The following RPF2 variants were observed in gnomAD, a reference collection of about 807,000 sequenced individuals.
RPF2 encodes ribosome production factor 2 homolog.
Under a neutral mutation model 38.9 loss-of-function variants are expected in RPF2, and 21 were observed. The ratio of observed to expected loss-of-function variants is 0.54; its 90% CI spans 0.38 to 0.78. The LOEUF is 0.78. RPF2 is among the 30% of genes least tolerant of loss of function. The pLI is 0.00. For synonymous variants in RPF2, 121 were observed against 126.2 expected (o/e 0.96, Z 0.28); for missense variants, 314 against 358.1 (o/e 0.88, Z 0.99).
At chr6:111,017,417 G>A (rs1267096765) in intron 8 of RPF2, among the ~76,000 whole-genome samples, 11 of 151,586 alleles carry the variant, frequency 7.3e-5, no homozygotes, top group African/African-American at 1.7e-4. Flanking sequence ...CTTCCCAGAC[G>A]GGGCGGCTGC....
In RPF2 at chr6:111,026,161, A is replaced by G. The variant is rs1216247062; in HGVS notation, c.*579A>G. 1 of 152,368 alleles carries G rather than the reference A, an allele frequency of 6.6e-6. No individual in the cohort carries two copies. The highest frequency in any genetic ancestry group is 2.4e-5 in the African/African-American group (1 of 41,548). 9.4% of individuals were successfully genotyped at this position (152,368 alleles called of 1,614,324 possible). A position where few individuals can be genotyped will look rare whatever the true frequency, so the allele number is the denominator to read the frequency against. ...GTTGATTGTTTTAAGAGACTCTACT[A>G]CTAAGTAGAGCCCACCCCGCTTCTC... On this transcript the variant is annotated 3_prime_UTR_variant, in exon 10 of 10. Coordinates refer to ENST00000441448, the MANE Select transcript of RPF2 (RefSeq NM_032194.3).
At chr6:111,011,970 A>G (rs1772023265) in intron 7 of RPF2, among the ~76,000 whole-genome samples, 1 of 152,160 alleles carries the variant, frequency 6.6e-6, no homozygotes, top group Non-Finnish European at 1.5e-5. Context: ...TTCAGTATAA[A>G]TATGAAGTAA....
chr6:111,006,479 GC>G (rs139397162), intron 6 of RPF2, among the ~76,000 whole-genome samples: 19,632 of 151,962 alleles, frequency 0.13, 1,748 homozygotes, highest in East Asian at 0.5. Flanking sequence ...CAAGTGATCA[GC>G]CCCGTCTCTG....
chr6:110,984,547 A>G (rs999655716), intron 1 of RPF2, among the ~76,000 whole-genome samples: 3 of 152,186 alleles, frequency 2.0e-5, no homozygotes, highest in African/African-American at 7.2e-5. Context: ...TCTACCAAAA[A>G]AGTGAGATTT....
intron 4 of RPF2, among the ~76,000 whole-genome samples, chr6:110,995,146 G>T (rs1771690378): frequency 6.6e-6 from 1 of 151,992 alleles, no homozygotes; most frequent in South Asian, 2.1e-4. Context: ...CTCATGCAAT[G>T]CACCCACCTC....
At position 111,007,893 on chromosome 6, in the gene RPF2, G is replaced by A; in HGVS notation, c.394-145G>A. ...ACCCGGGAGGTGGAGGTTGCAGTGA[G>A]CTGAGATTGTGCCACTGCACTCCAG... On this transcript the variant is annotated intron_variant, in intron 6 of 9. Transcript: ENST00000441448. The A allele has an allele frequency of 4.2e-6, 4 of 941,978 alleles. 1 individual carries two copies. In the South Asian group the frequency reaches 9.7e-5, roughly 23 times the overall value. The allele number at this position is 941,978 out of a possible 1,614,324, so 58.4% of individuals were successfully genotyped here.
At chr6:110,993,341 TAATCTC>T (rs1771653518) in intron 4 of RPF2, among the ~76,000 whole-genome samples, 1 of 152,154 alleles carries the variant, frequency 6.6e-6, no homozygotes, top group Non-Finnish European at 1.5e-5. Context: ...AGAAAGAAAT[TAATCTC>T]AATGATAAAT....
intron 9 of RPF2, 150 bp downstream of exon 9, chr6:111,024,477 G>C (rs1485886581): frequency 1.8e-6 from 1 of 568,858 alleles, no homozygotes; most frequent in Non-Finnish European, 2.9e-6. Flanking sequence ...ACTTTGGGAG[G>C]CCGAAGTGGG....
chr6:110,996,827 A>AG (rs1440813492), intron 4 of RPF2, among the ~76,000 whole-genome samples: 1 of 152,034 alleles, frequency 6.6e-6, no homozygotes, highest in Admixed American at 6.6e-5. Flanking sequence ...TTTTAGACAG[A>AG]GTCTTACTCT....
chr6:111,017,432 TG>T (rs955115417), intron 8 of RPF2, among the ~76,000 whole-genome samples: 1 of 125,752 alleles, frequency 8.0e-6, no homozygotes, highest in African/African-American at 3.0e-5. Flanking sequence ...GGCTGCCGGA[TG>T]GGGGGGCTCC....
Position 110,994,135 on chromosome 6 carries a change from G to A in RPF2, c.234+2349G>A, listed in dbSNP as rs536734048. Among the ~76,000 whole-genome samples, 22 of 152,240 alleles carry A rather than the reference G, an allele frequency of 1.4e-4. No homozygotes were observed. In the South Asian group the frequency reaches 4.3e-3, roughly 30 times the overall value. On this transcript the variant is annotated intron_variant, in intron 4 of 9. Transcript: ENST00000441448. ...CTATTAAAAATACAAAATTAGCCAG[G>A]CGTGGTGGCACATGCCTATAATTCC...
Position 111,028,148 on chromosome 6 carries a change from TG to T in RPF2, c.*2567del, listed in dbSNP as rs1242800872. 1 of 152,180 alleles carries T rather than the reference TG, an allele frequency of 6.6e-6. No individual in the cohort carries two copies. The highest frequency in any genetic ancestry group is 2.4e-5 in the African/African-American group (1 of 41,468). The allele number at this position is 152,180 out of a possible 1,614,324, so 9.4% of individuals were successfully genotyped here. The stretch of plus-strand genomic sequence containing the variant: ...CATGGAATTTGGGTTTCTTTTTTTT[TG>T]TTTTTTTAAAATTAAGTGCTGTTTG... On this transcript the variant is annotated 3_prime_UTR_variant, in exon 10 of 10. Coordinates refer to ENST00000441448, the MANE Select transcript of RPF2 (RefSeq NM_032194.3).
At chr6:110,997,375 T>C (rs893565575) in intron 5 of RPF2, 111 bp downstream of exon 5, 14 of 670,186 alleles carry the variant, frequency 2.1e-5, no homozygotes, top group Middle Eastern at 4.0e-4. Flanking sequence ...GAGGAAATAA[T>C]TCATCCAAGA....
rs1360059171 is a variant in RPF2 at position 111,027,572 on chromosome 6, C to T, written c.*1990C>T. 1 of 152,216 alleles carries T rather than the reference C, an allele frequency of 6.6e-6. No individual in the cohort carries two copies. Among genetic ancestry groups the T allele is most frequent in the Non-Finnish European group, 1.5e-5 (1 of 68,058 alleles). The allele number at this position is 152,216 out of a possible 1,614,324, so 9.4% of individuals were successfully genotyped here. On this transcript the variant is annotated 3_prime_UTR_variant, in exon 10 of 10. Transcript: ENST00000441448. ...GGGACCCTGCCATGCCTGGACCCCTCTATCAGGAAGACCTACCCCAGCACT... is the reference window on the plus strand; with the variant it reads ...GGGACCCTGCCATGCCTGGACCCCTTTATCAGGAAGACCTACCCCAGCACT...
At chr6:111,005,855 A>T (rs1771898403) in intron 6 of RPF2, among the ~76,000 whole-genome samples, 1 of 152,150 alleles carries the variant, frequency 6.6e-6, no homozygotes, top group African/African-American at 2.4e-5. Flanking sequence ...TCTGTCGCCC[A>T]GGCTGGAGTG....
At chr6:110,991,993 C>T (rs953353863) in intron 4 of RPF2, among the ~76,000 whole-genome samples, 14 of 152,032 alleles carry the variant, frequency 9.2e-5, no homozygotes, top group African/African-American at 3.4e-4. Flanking sequence ...TTTTCATTGC[C>T]TGCAAATATA....
intron 8 of RPF2, among the ~76,000 whole-genome samples, chr6:111,018,932 C>G (rs1772178819): frequency 6.6e-6 from 1 of 152,154 alleles, no homozygotes; most frequent in African/African-American, 2.4e-5. Flanking sequence ...AAAAAGTACT[C>G]AGGACGGACA....
intron 7 of RPF2, among the ~76,000 whole-genome samples, chr6:111,009,069 C>T (rs761805932): frequency 3.4e-4 from 52 of 151,104 alleles, no homozygotes; most frequent in Non-Finnish European, 5.8e-4. Context: ...TGACTAATTT[C>T]TTTTGAGACG....
At chr6:111,002,085 A>G (rs9384778) in intron 6 of RPF2, among the ~76,000 whole-genome samples, 53,573 of 151,858 alleles carry the variant, frequency 0.35, 10,604 homozygotes, top group East Asian at 0.72. Context: ...TTTGAGACCA[A>G]CCTGGCCAAC....
Sources: gnomAD v4.1 joint callset for allele counts (sites outside exome capture counted in the v4.1 genomes callset) on GRCh38, gnomAD v4.1.1 for gene constraint, MANE v1.5 for transcripts, NCBI Gene and HGNC (gene_info 2026-07-23, HGNC 2026-07-21) for gene names.